Variants in PGAP1 observed in about 807,000 individuals in gnomAD.
The protein encoded by PGAP1 is GPI inositol-deacylase.
Under a neutral mutation model 127.0 loss-of-function variants are expected in PGAP1, and 76 were observed. The observed-to-expected ratio is 0.60, with a 90% CI of 0.50 to 0.72. PGAP1 has a LOEUF of 0.72. PGAP1 is among the 30% of genes least tolerant of loss of function. The pLI is 0.00. For missense variants in PGAP1, 982 were observed against 1,071.3 expected (o/e 0.92, Z 1.16); for synonymous variants, 362 against 366.5 (o/e 0.99, Z 0.14).
chr2:196,857,966 A>T (rs895974496), intron 20 of PGAP1, among the ~76,000 whole-genome samples: 1 of 152,198 alleles, frequency 6.6e-6, no homozygotes, highest in Admixed American at 6.5e-5. Flanking sequence ...TTCCCACTGC[A>T]GTGCCCTATT....
chr2:196,873,824 T>C, intron 14 of PGAP1, 66 bp from the exon 15 acceptor site: 1 of 1,050,928 alleles, frequency 9.5e-7, no homozygotes. Flanking sequence ...TACTGATTAT[T>C]TAATTAGCAT....
intron 13 of PGAP1, among the ~76,000 whole-genome samples, chr2:196,876,266 T>C (rs1701566694): frequency 6.6e-6 from 1 of 152,082 alleles, no homozygotes; most frequent in South Asian, 2.1e-4. Flanking sequence ...CTGTATTTAT[T>C]AAAGATAGTC....
intron 20 of PGAP1, among the ~76,000 whole-genome samples, chr2:196,862,411 T>C (rs951456374): frequency 1.3e-5 from 2 of 152,140 alleles, no homozygotes; most frequent in Non-Finnish European, 2.9e-5. Context: ...CAAAACTTCA[T>C]TAGCAATTTT....
At chr2:196,850,270 T>C (rs1239621715) in intron 20 of PGAP1, among the ~76,000 whole-genome samples, 1 of 152,186 alleles carries the variant, frequency 6.6e-6, no homozygotes, top group East Asian at 1.9e-4. Context: ...ACATATACCT[T>C]TGAAATAGTC....
At chr2:196,863,431 T>C (rs1361946224) in intron 20 of PGAP1, among the ~76,000 whole-genome samples, 1 of 152,190 alleles carries the variant, frequency 6.6e-6, no homozygotes, top group Non-Finnish European at 1.5e-5. Context: ...AACATGGATA[T>C]AACTGAAGTA....
At chr2:196,894,783 C>T (rs1457763712) in intron 7 of PGAP1, among the ~76,000 whole-genome samples, 6 of 152,068 alleles carry the variant, frequency 3.9e-5, no homozygotes, top group Non-Finnish European at 4.4e-5. Context: ...GCCTGGGTGA[C>T]AGAGCAAGAC....
chr2:196,840,544 T>C lies in PGAP1; in HGVS notation c.*690A>G, dbSNP rs547830395. The stretch of plus-strand genomic sequence containing the variant: ...ATAGTCTCCTGATGTTCACCGAGAA[T>C]ATATAGTAAGATTCATATTTGAAAA... On this transcript the variant is annotated 3_prime_UTR_variant, in exon 27 of 27. Coordinates refer to ENST00000354764, the MANE Select transcript of PGAP1 (RefSeq NM_024989.4). 2.0e-5 allele frequency: 3 copies of C among 152,260 alleles called. No individual in the cohort carries two copies. In the South Asian group the frequency reaches 6.2e-4, roughly 32 times the overall value. 9.4% of individuals were successfully genotyped at this position (152,260 alleles called of 1,614,324 possible). A position where few individuals can be genotyped will look rare whatever the true frequency, so the allele number is the denominator to read the frequency against.
rs1701468661 is a variant in PGAP1, at chr2:196,873,510, T to C, written c.1552+18A>G. ...TGACAATATTATTTTCTATACATTTTTTAGAAAACATATTTACCTTTGACT... is the reference window on the plus strand; with the variant it reads ...TGACAATATTATTTTCTATACATTTCTTAGAAAACATATTTACCTTTGACT... On this transcript the variant is annotated intron_variant, in intron 16 of 26. Transcript: ENST00000354764. 1.3e-6 allele frequency: 2 copies of C among 1,585,608 alleles called. No individual in the cohort carries two copies. Among genetic ancestry groups the C allele is most frequent in the Non-Finnish European group, 1.7e-6 (2 of 1,161,058 alleles).
At chr2:196,922,120 A>G in intron 1 of PGAP1, 2 of 1,264,466 alleles carry the variant, frequency 1.6e-6, no homozygotes, top group South Asian at 2.7e-5. Flanking sequence ...TTTAAATATT[A>G]TCTCCACAAT....
At chr2:196,856,872 G>T (rs1275980438) in intron 20 of PGAP1, among the ~76,000 whole-genome samples, 5 of 152,096 alleles carry the variant, frequency 3.3e-5, no homozygotes, top group Admixed American at 6.6e-5. Flanking sequence ...ATTTTACTTT[G>T]TATTTCCCCT....
rs753061732 is a variant in PGAP1, at chr2:196,846,997, CT to C, written c.2150+5del. ...ATAAGAAAGCTGTTAATCATTCATT[CT>C]TTACCTTTTCAAAGCTAGCCACAAT... On this transcript the variant is annotated splice_donor_5th_base_variant and intron_variant, in intron 22 of 26. Coordinates refer to ENST00000354764, the MANE Select transcript of PGAP1 (RefSeq NM_024989.4). The C allele has an allele frequency of 1.9e-6, 3 of 1,607,432 alleles. No individual in the cohort carries two copies. Among genetic ancestry groups the C allele is most frequent in the Non-Finnish European group, 1.7e-6 (2 of 1,175,340 alleles).
At chr2:196,917,788 C>T (rs1703064652) in intron 2 of PGAP1, among the ~76,000 whole-genome samples, 1 of 152,018 alleles carries the variant, frequency 6.6e-6, no homozygotes, top group Non-Finnish European at 1.5e-5. Context: ...TTATATGCTG[C>T]TATGAACATT....
chr2:196,878,702 A>C (rs1701639004), intron 13 of PGAP1, among the ~76,000 whole-genome samples: 1 of 152,228 alleles, frequency 6.6e-6, no homozygotes, highest in Admixed American at 6.5e-5. Context: ...TGAATCCTCC[A>C]ATCAAAACTT....
chr2:196,860,056 G>C (rs1393038997), intron 20 of PGAP1, among the ~76,000 whole-genome samples: 1 of 151,916 alleles, frequency 6.6e-6, no homozygotes, highest in Non-Finnish European at 1.5e-5. Flanking sequence ...AATTGGAAAA[G>C]AAATGGTCAA....
At chr2:196,876,110 T>TG (rs1328296367) in intron 13 of PGAP1, among the ~76,000 whole-genome samples, 1 of 152,160 alleles carries the variant, frequency 6.6e-6, no homozygotes, top group Non-Finnish European at 1.5e-5. Flanking sequence ...TTTAGGTGTT[T>TG]GCATAAGAAG....
chr2:196,868,756 A>C (rs1400965596), intron 19 of PGAP1, among the ~76,000 whole-genome samples: 2 of 152,176 alleles, frequency 1.3e-5, no homozygotes, highest in African/African-American at 4.8e-5. Context: ...ATTTAACTTT[A>C]TGAAAAGTTA....
intron 19 of PGAP1, among the ~76,000 whole-genome samples, chr2:196,870,668 A>C (rs1701382721): frequency 6.6e-6 from 1 of 152,220 alleles, no homozygotes; most frequent in Non-Finnish European, 1.5e-5. Flanking sequence ...TGGATGTATC[A>C]AACATGAAAG....
chr2:196,865,010 T>A lies in PGAP1; in HGVS notation c.1838A>T (p.Gln613Leu). The A allele has an allele frequency of 6.4e-7, 1 of 1,556,782 alleles. No homozygotes were observed. The highest frequency in any genetic ancestry group is 8.6e-7 in the Non-Finnish European group (1 of 1,158,674). Reference protein sequence around the residue: ...VSNILLAYRGQLYSLFSTGCC... With the variant: ...VSNILLAYRGLLYSLFSTGCC... The stretch of plus-strand genomic sequence containing the variant: ...ACCTGTTGAGAAAAGAGAATATAAC[T>A]GTCCTCTATAAGCAAGAAGGATATT... The change falls in exon 20 of 27, where the codon CAG becomes CTG. Residue 613 changes from glutamine to leucine, a missense_variant. Gln to Leu is a moderately radical substitution (Grantham distance 113). Coordinates refer to ENST00000354764, the MANE Select transcript of PGAP1 (RefSeq NM_024989.4).
chr2:196,926,503 A>G lies in PGAP1; in HGVS notation c.114T>C (p.Ser38=). The change falls in exon 1 of 27, where the codon AGT becomes AGC. Residue 38 remains serine, a synonymous_variant. Transcript: ENST00000354764. ...CCGGGTACTCAAACATGTAGCTCAT[A>G]CTGCACTTATTCTCCTCGAAGCCGA... is the stretch of plus-strand genomic sequence containing the variant. ...VFFGFEENKC[S]MSYMFEYPEY... is the part of the protein sequence containing the mutation. 6.2e-7 allele frequency: 1 copy of G among 1,614,104 alleles called. No homozygotes were observed. Among genetic ancestry groups the G allele is most frequent in the South Asian group, 1.1e-5 (1 of 91,084 alleles).
Sources: gnomAD v4.1 joint callset for allele counts (sites outside exome capture counted in the v4.1 genomes callset) on GRCh38, gnomAD v4.1.1 for gene constraint, MANE v1.5 for transcripts, NCBI Gene and HGNC (gene_info 2026-07-23, HGNC 2026-07-21) for gene names.